Variants in XPNPEP3 observed in about 807,000 individuals in gnomAD.
The protein encoded by XPNPEP3 is xaa-Pro aminopeptidase 3.
Under a neutral mutation model 60.0 loss-of-function variants are expected in XPNPEP3, and 41 were observed. The observed-to-expected ratio is 0.68, with a 90% CI of 0.53 to 0.89. The LOEUF is 0.89. Ranked by LOEUF, XPNPEP3 falls within the 40% of genes least tolerant of loss-of-function variation. The pLI is 0.00. For missense variants in XPNPEP3, 598 were observed against 638.9 expected (o/e 0.94, Z 0.69); for synonymous variants, 212 against 223.2 (o/e 0.95, Z 0.45).
intron 6 of XPNPEP3, among the ~76,000 whole-genome samples, chr22:40,909,507 G>A (rs1402155625): frequency 6.6e-6 from 1 of 152,314 alleles, no homozygotes; most frequent in Non-Finnish European, 1.5e-5. Context: ...GCTCAGGCCT[G>A]TAATCCTAGC....
At chr22:40,864,941 T>C (rs1023992352) in intron 1 of XPNPEP3, among the ~76,000 whole-genome samples, 1 of 152,174 alleles carries the variant, frequency 6.6e-6, no homozygotes, top group African/African-American at 2.4e-5. Flanking sequence ...TCTGACACTA[T>C]GATACAGAGA....
intron 4 of XPNPEP3, among the ~76,000 whole-genome samples, chr22:40,896,757 C>G (rs1601508048): frequency 1.3e-5 from 2 of 152,040 alleles, no homozygotes; most frequent in Non-Finnish European, 2.9e-5. Context: ...TTTTTTCAGA[C>G]TTTTTTATCA....
chr22:40,868,986 A>G lies in XPNPEP3; in HGVS notation c.65-13A>G. ...TCTATTGTTTCATTTCATTCTCTTTATTCTTCATTCAGGATGTATGTTGTG... is the reference window on the plus strand; with the variant it reads ...TCTATTGTTTCATTTCATTCTCTTTGTTCTTCATTCAGGATGTATGTTGTG... On this transcript the variant is annotated splice_polypyrimidine_tract_variant and intron_variant, in intron 1 of 9. Coordinates refer to ENST00000357137, the MANE Select transcript of XPNPEP3 (RefSeq NM_022098.4). 2 of 1,594,510 alleles carry G rather than the reference A, an allele frequency of 1.3e-6. No individual in the cohort carries two copies. The highest frequency in any genetic ancestry group is 1.7e-6 in the Non-Finnish European group (2 of 1,162,216).
intron 4 of XPNPEP3, among the ~76,000 whole-genome samples, chr22:40,905,817 G>A (rs984170585): frequency 2.0e-5 from 3 of 151,756 alleles, no homozygotes; most frequent in African/African-American, 7.3e-5. Flanking sequence ...TTTTTAGACA[G>A]AGTCTCGCAC....
intron 1 of XPNPEP3, among the ~76,000 whole-genome samples, chr22:40,863,579 G>A (rs2057962876): frequency 6.6e-6 from 1 of 152,090 alleles, no homozygotes; most frequent in African/African-American, 2.4e-5. Context: ...ATTGTGAAAT[G>A]CTTAAAACTC....
At position 40,926,577 on chromosome 22, in the gene XPNPEP3, A is replaced by G; in HGVS notation, c.*142A>G. 1 of 1,106,290 alleles carries G rather than the reference A, an allele frequency of 9.0e-7. No homozygotes were observed. Among genetic ancestry groups the G allele is most frequent in the Non-Finnish European group, 1.4e-6 (1 of 734,970 alleles). 68.5% of individuals were successfully genotyped at this position (1,106,290 alleles called of 1,614,324 possible). ...CATAGCAGCTGTGTGAATGTATGTA[A>G]TTGTGTGTGGGGGGTTTTTTGTTTT... On this transcript the variant is annotated 3_prime_UTR_variant, in exon 10 of 10. Transcript: ENST00000357137.
chr22:40,909,091 C>G, intron 5 of XPNPEP3, 31 bp from the exon 6 acceptor site: 1 of 1,604,616 alleles, frequency 6.2e-7, no homozygotes, highest in Non-Finnish European at 8.5e-7. Context: ...TACAGAAACC[C>G]TTTGTCATAC....
At chr22:40,865,477 T>C (rs1195149000) in intron 1 of XPNPEP3, among the ~76,000 whole-genome samples, 2 of 151,802 alleles carry the variant, frequency 1.3e-5, no homozygotes, top group Non-Finnish European at 2.9e-5. Context: ...TACAGGCATG[T>C]GCCACCATGC....
At chr22:40,919,371 A>G (rs1162430229) in intron 7 of XPNPEP3, among the ~76,000 whole-genome samples, 2 of 152,178 alleles carry the variant, frequency 1.3e-5, no homozygotes, top group Non-Finnish European at 2.9e-5. Flanking sequence ...TCTAACCAAC[A>G]TGGTGAAACC....
At chr22:40,886,161 T>C (rs2058067773) in intron 3 of XPNPEP3, 152 bp from the exon 4 acceptor site, 1 of 747,588 alleles carries the variant, frequency 1.3e-6, no homozygotes, top group South Asian at 1.5e-5. Context: ...CCTTTATTGC[T>C]TCAGTCCTGA....
At chr22:40,862,596 T>A (rs1246751603) in intron 1 of XPNPEP3, 1 of 985,358 alleles carries the variant, frequency 1.0e-6, no homozygotes, top group African/African-American at 1.7e-5. Context: ...TAAACAATTA[T>A]ATGAGAGACA....
At chr22:40,903,573 C>T (rs1322485217) in intron 4 of XPNPEP3, among the ~76,000 whole-genome samples, 1 of 151,810 alleles carries the variant, frequency 6.6e-6, no homozygotes, top group Non-Finnish European at 1.5e-5. Flanking sequence ...TCACTGCAAC[C>T]TCCGCCTCCC....
rs1028766382 is a variant in XPNPEP3, at chr22:40,930,456, T to C, written c.*4021T>C. On this transcript the variant is annotated 3_prime_UTR_variant, in exon 10 of 10. Transcript: ENST00000357137. Reference sequence around the variant, plus strand: ...TTTAAAGTTTTTAATTGACATATAATTGTACGTATTTACAGGGTAAATAAT... The same window carrying C: ...TTTAAAGTTTTTAATTGACATATAACTGTACGTATTTACAGGGTAAATAAT... 2 of 151,934 alleles carry C rather than the reference T, an allele frequency of 1.3e-5. No individual in the cohort carries two copies. The highest frequency in any genetic ancestry group is 4.8e-5 in the African/African-American group (2 of 41,364). The allele number at this position is 151,934 out of a possible 1,614,324, so 9.4% of individuals were successfully genotyped here. A position where few individuals can be genotyped will look rare whatever the true frequency, so the allele number is the denominator to read the frequency against.
rs2058237571 is a variant in XPNPEP3 at position 40,927,261 on chromosome 22, A to G, written c.*826A>G. 1 of 151,946 alleles carries G rather than the reference A, an allele frequency of 6.6e-6. No individual in the cohort carries two copies. The highest frequency in any genetic ancestry group is 2.4e-5 in the African/African-American group (1 of 41,334). The allele number at this position is 151,946 out of a possible 1,614,324, so 9.4% of individuals were successfully genotyped here. On this transcript the variant is annotated 3_prime_UTR_variant, in exon 10 of 10. Coordinates refer to ENST00000357137, the MANE Select transcript of XPNPEP3 (RefSeq NM_022098.4). ...GGTCCAGGCAGGTGGATCTCTTGAG[A>G]CCAGGAGGTCAAGACCAGCCTGGCC...
In XPNPEP3 at chr22:40,932,488, T is replaced by G. The variant is rs1319542238; in HGVS notation, c.*6053T>G. 1 of 152,192 alleles carries G rather than the reference T, an allele frequency of 6.6e-6. No individual in the cohort carries two copies. The highest frequency in any genetic ancestry group is 1.5e-5 in the Non-Finnish European group (1 of 68,050). 9.4% of individuals were successfully genotyped at this position (152,192 alleles called of 1,614,324 possible). The stretch of plus-strand genomic sequence containing the variant: ...TAAACCTTAACAGTAGAGCAGAATT[T>G]CACTGTTACAAACCACATGGGTTCT... On this transcript the variant is annotated 3_prime_UTR_variant, in exon 10 of 10. Coordinates refer to ENST00000357137, the MANE Select transcript of XPNPEP3 (RefSeq NM_022098.4).
intron 4 of XPNPEP3, among the ~76,000 whole-genome samples, chr22:40,894,413 A>G (rs1197491264): frequency 6.6e-6 from 1 of 152,194 alleles, no homozygotes; most frequent in African/African-American, 2.4e-5. Context: ...AGTGTACAAC[A>G]TATTTTGATA....
intron 1 of XPNPEP3, among the ~76,000 whole-genome samples, chr22:40,859,280 T>C (rs2057926662): frequency 6.6e-6 from 1 of 152,198 alleles, no homozygotes; most frequent in Admixed American, 6.5e-5. Flanking sequence ...TTGTATATTA[T>C]GTTAAGCAAA....
intron 3 of XPNPEP3, among the ~76,000 whole-genome samples, chr22:40,883,037 A>G (rs1601499747): frequency 6.6e-6 from 1 of 152,290 alleles, no homozygotes; most frequent in African/African-American, 2.4e-5. Flanking sequence ...AGACTGCACA[A>G]CGTAGTGAGA....
At chr22:40,874,436 T>TTTTTGG (rs928190828) in intron 2 of XPNPEP3, among the ~76,000 whole-genome samples, 3 of 144,674 alleles carry the variant, frequency 2.1e-5, no homozygotes, top group African/African-American at 8.2e-5. Flanking sequence ...TTTGTTTTTG[T>TTTTTGG]TTTTTTTGAG....
Sources: allele counts gnomAD v4.1 joint callset (sites outside exome capture counted in the v4.1 genomes callset), GRCh38; gene constraint gnomAD v4.1.1; transcripts MANE v1.5; gene names NCBI Gene and HGNC (gene_info 2026-07-23, HGNC 2026-07-21).